MYEF2: variants seen among roughly 807,000 people sequenced by gnomAD.
The protein encoded by MYEF2 is myelin expression factor 2, also known as myelin gene expression factor 2.
Under a neutral mutation model 75.2 loss-of-function variants are expected in MYEF2, and 37 were observed. The observed-to-expected ratio is 0.49, with a 90% CI of 0.38 to 0.65. The LOEUF is 0.65. Among genes scored for constraint, MYEF2 ranks in the 30% least tolerant of loss-of-function variants. MYEF2 has a pLI of 0.00. For synonymous variants in MYEF2, 195 were observed against 241.6 expected (o/e 0.81, Z 1.79); for missense variants, 634 against 771.4 (o/e 0.82, Z 2.11).
rs2039042155 is a variant in MYEF2 at position 48,140,656 on chromosome 15, A to G, written c.*2252T>C. 6.6e-6 allele frequency: 1 copy of G among 152,472 alleles called. No homozygotes were observed. Among genetic ancestry groups the G allele is most frequent in the South Asian group, 2.1e-4 (1 of 4,846 alleles). 9.4% of individuals were successfully genotyped at this position (152,472 alleles called of 1,614,324 possible). A position where few individuals can be genotyped will look rare whatever the true frequency, so the allele number is the denominator to read the frequency against. On this transcript the variant is annotated 3_prime_UTR_variant, in exon 17 of 17. Transcript: ENST00000324324. ...GCCCACTAAATTAAGGTATATCACTAAAGTAGAACATAATAAATGGTATAT... is the reference window on the plus strand; with the variant it reads ...GCCCACTAAATTAAGGTATATCACTGAAGTAGAACATAATAAATGGTATAT...
At chr15:48,155,191 C>A in intron 9 of MYEF2, among the ~76,000 whole-genome samples, 1 of 151,536 alleles carries the variant, frequency 6.6e-6, no homozygotes, top group African/African-American at 2.4e-5. Flanking sequence ...AAGGGGCATG[C>A]CTGAAACAGT....
At chr15:48,159,316 C>T (rs1384482793) in intron 6 of MYEF2, among the ~76,000 whole-genome samples, 1 of 151,982 alleles carries the variant, frequency 6.6e-6, no homozygotes, top group Non-Finnish European at 1.5e-5. Context: ...AAAAAGAAAT[C>T]CATTTACCAA....
At chr15:48,161,799 G>A (rs1276312869) in intron 5 of MYEF2, among the ~76,000 whole-genome samples, 1 of 147,930 alleles carries the variant, frequency 6.8e-6, no homozygotes. Flanking sequence ...ACATAAAACA[G>A]AAAATTGTCA....
chr15:48,159,557 T>C lies in MYEF2; in HGVS notation c.717+56A>G, dbSNP rs1050595538. The C allele has an allele frequency of 2.1e-6, 3 of 1,461,572 alleles. No individual in the cohort carries two copies. In the African/African-American group the frequency reaches 4.3e-5, roughly 21 times the overall value. The allele number at this position is 1,461,572 out of a possible 1,614,324, so 90.5% of individuals were successfully genotyped here. On this transcript the variant is annotated intron_variant, in intron 6 of 16. Coordinates refer to ENST00000324324, the MANE Select transcript of MYEF2 (RefSeq NM_016132.5). ...TCTATAAACCTATAACTCATTCATT[T>C]AATCAAATTAGCTATCTATCTGAAT...
chr15:48,161,057 T>C (rs1043299159), intron 5 of MYEF2, among the ~76,000 whole-genome samples: 2 of 152,132 alleles, frequency 1.3e-5, no homozygotes, highest in African/African-American at 4.8e-5. Flanking sequence ...GCTATTTCGG[T>C]TGTTTGTGCT....
rs1368407911 is a variant in MYEF2 at position 48,151,661 on chromosome 15, CGT to C, written c.1208-92_1208-91del. 230 of 1,294,672 alleles carry C rather than the reference CGT, an allele frequency of 1.8e-4. 1 individual carries two copies. The highest frequency in any genetic ancestry group is 2.0e-4 in the Non-Finnish European group (180 of 917,096). The allele number at this position is 1,294,672 out of a possible 1,614,324, so 80.2% of individuals were successfully genotyped here. Reference sequence around the variant, plus strand: ...AATGTATCTAAATTATGAAAAGACGCGTAAGTCACAAATATAAAATAGTCTGT... The same window carrying C: ...AATGTATCTAAATTATGAAAAGACGCAAGTCACAAATATAAAATAGTCTGT... On this transcript the variant is annotated intron_variant, in intron 12 of 16. Transcript: ENST00000324324.
chr15:48,172,664 A>G (rs1026188450), intron 1 of MYEF2, among the ~76,000 whole-genome samples: 12 of 151,974 alleles, frequency 7.9e-5, no homozygotes, highest in Non-Finnish European at 1.8e-4. Flanking sequence ...AGAAAAATAT[A>G]TAAAGAAATC....
Position 48,142,330 on chromosome 15 carries a change from A to G in MYEF2, c.*578T>C. 1 of 1,606,348 alleles carries G rather than the reference A, an allele frequency of 6.2e-7. No homozygotes were observed. Among genetic ancestry groups the G allele is most frequent in the South Asian group, 1.1e-5 (1 of 90,286 alleles). On this transcript the variant is annotated 3_prime_UTR_variant, in exon 17 of 17. Transcript: ENST00000324324. ...AACTTGGAATTATTGGAAATAATAA[A>G]ATAAGGGGCTGTGGAGGTTGATATT...
At chr15:48,176,023 G>T (rs891679775) in intron 1 of MYEF2, among the ~76,000 whole-genome samples, 3 of 151,946 alleles carry the variant, frequency 2.0e-5, no homozygotes, top group Non-Finnish European at 4.4e-5. Flanking sequence ...AATAACTATG[G>T]ATTAACCTCA....
chr15:48,135,157 T>C lies in MYEF2; in HGVS notation c.*7751A>G, dbSNP rs1338566930. ...CAATTGCTGATTGAGTTCTTCTCAC[T>C]AGTTTGCAATTTCTTCTTAATCACT... On this transcript the variant is annotated 3_prime_UTR_variant, in exon 17 of 17. Transcript: ENST00000324324. 7.9e-6 allele frequency: 4 copies of C among 509,166 alleles called. No homozygotes were observed. Among genetic ancestry groups the C allele is most frequent in the East Asian group, 3.0e-5 (1 of 33,138 alleles). 31.5% of individuals were successfully genotyped at this position (509,166 alleles called of 1,614,324 possible). A position where few individuals can be genotyped will look rare whatever the true frequency, so the allele number is the denominator to read the frequency against.
intron 1 of MYEF2, among the ~76,000 whole-genome samples, chr15:48,177,482 G>A (rs1010471207): frequency 6.6e-6 from 1 of 151,938 alleles, no homozygotes; most frequent in East Asian, 1.9e-4. Context: ...TTTAAAGTAC[G>A]TCTAGCCAAT....
Position 48,134,634 on chromosome 15 carries a change from T to A in MYEF2, c.*8274A>T. 1 of 887,978 alleles carries A rather than the reference T, an allele frequency of 1.1e-6. No individual in the cohort carries two copies. The highest frequency in any genetic ancestry group is 1.8e-6 in the Non-Finnish European group (1 of 566,166). The allele number at this position is 887,978 out of a possible 1,614,324, so 55.0% of individuals were successfully genotyped here. The stretch of plus-strand genomic sequence containing the variant: ...GATGGACAACAGGGCACTAATAATA[T>A]GTGCAATCAAATTTATTAATCAGTA... On this transcript the variant is annotated 3_prime_UTR_variant, in exon 17 of 17. Coordinates refer to ENST00000324324, the MANE Select transcript of MYEF2 (RefSeq NM_016132.5).
chr15:48,163,841 C>T (rs896726142), intron 5 of MYEF2, among the ~76,000 whole-genome samples: 5 of 152,218 alleles, frequency 3.3e-5, no homozygotes, highest in South Asian at 2.1e-4. Context: ...GACAGCACAC[C>T]TGTTTAAGGA....
At chr15:48,145,123 TTCCC>T (rs1567239246) in intron 16 of MYEF2, among the ~76,000 whole-genome samples, 2 of 151,904 alleles carry the variant, frequency 1.3e-5, no homozygotes, top group South Asian at 4.2e-4. Context: ...AGTTGACAAG[TTCCC>T]TCAGCTAAGA....
intron 16 of MYEF2, among the ~76,000 whole-genome samples, chr15:48,148,102 CAAAGGCTATTTTGTG>C: frequency 6.6e-6 from 1 of 152,070 alleles, no homozygotes; most frequent in South Asian, 2.1e-4. Context: ...GTAGTGGCCA[CAAAGGCTATTTTGTG>C]ACAGAACACT....
intron 1 of MYEF2, 43 bp downstream of exon 1, chr15:48,178,034 C>G (rs1461467837): frequency 6.4e-6 from 10 of 1,559,926 alleles, no homozygotes; most frequent in Non-Finnish European, 7.8e-6. Flanking sequence ...GGTAGACTCC[C>G]CGCCCCCCAC....
intron 5 of MYEF2, among the ~76,000 whole-genome samples, chr15:48,164,585 C>T (rs1250296165): frequency 6.6e-6 from 1 of 152,112 alleles, no homozygotes; most frequent in African/African-American, 2.4e-5. Flanking sequence ...AGGTAAAATG[C>T]TATCAAACAA....
chr15:48,168,558 A>G, intron 2 of MYEF2, 73 bp downstream of exon 2: 2 of 1,231,036 alleles, frequency 1.6e-6, no homozygotes, highest in Non-Finnish European at 2.3e-6. Flanking sequence ...CAGAGGAATA[A>G]AAATGTTTGT....
At chr15:48,168,602 C>A in intron 2 of MYEF2, 29 bp downstream of exon 2, 1 of 1,569,958 alleles carries the variant, frequency 6.4e-7, no homozygotes, top group South Asian at 1.1e-5. Flanking sequence ...GAAGATTATC[C>A]AACAGTGGGT....
Sources: allele counts gnomAD v4.1 joint callset (sites outside exome capture counted in the v4.1 genomes callset), GRCh38; gene constraint gnomAD v4.1.1; transcripts MANE v1.5; gene names NCBI Gene and HGNC (gene_info 2026-07-23, HGNC 2026-07-21).